PDE4D: variants seen among roughly 807,000 people sequenced by gnomAD.
The protein encoded by PDE4D is phosphodiesterase 4D.
Under a neutral mutation model 87.4 loss-of-function variants are expected in PDE4D, and 24 were observed. The observed-to-expected ratio is 0.27, with a 90% CI of 0.20 to 0.39. PDE4D has a LOEUF of 0.39. Ranked by LOEUF, PDE4D falls within the 10% of genes least tolerant of loss-of-function variation. PDE4D has a pLI of 1.00. For synonymous variants in PDE4D, 384 were observed against 383.2 expected (o/e 1.00, Z -0.02); for missense variants, 714 against 1,041.0 (o/e 0.69, Z 4.32).
At chr5:59,522,741 C>A (rs1812463281) in intron 1 of PDE4D, among the ~76,000 whole-genome samples, 1 of 152,210 alleles carries the variant, frequency 6.6e-6, no homozygotes, top group Non-Finnish European at 1.5e-5. Context: ...CTGCCATTTT[C>A]AGAGCATTAC....
At chr5:59,187,597 A>T (rs1029625947) in intron 3 of PDE4D, among the ~76,000 whole-genome samples, 6 of 152,216 alleles carry the variant, frequency 3.9e-5, no homozygotes, top group Admixed American at 3.9e-4. Flanking sequence ...AAAGTGAAAA[A>T]AGGAATCTGT....
intron 1 of PDE4D, among the ~76,000 whole-genome samples, chr5:59,771,429 AAG>A (rs1763430492): frequency 9.2e-6 from 1 of 108,934 alleles, no homozygotes; most frequent in Non-Finnish European, 1.9e-5. Context: ...AAGAAAGAAA[AAG>A]AAAAAGAAAG....
chr5:59,373,200 A>G (rs1326326019), intron 1 of PDE4D, among the ~76,000 whole-genome samples: 1 of 152,200 alleles, frequency 6.6e-6, no homozygotes, highest in Non-Finnish European at 1.5e-5. Context: ...TGACAGAAAT[A>G]GAATTCAAAA....
intron 1 of PDE4D, among the ~76,000 whole-genome samples, chr5:60,344,497 C>T (rs1758575722): frequency 6.6e-6 from 1 of 151,938 alleles, no homozygotes; most frequent in Non-Finnish European, 1.5e-5. Flanking sequence ...ATAACAGTGA[C>T]CAAAATGAAG....
At chr5:59,088,705 A>C (rs1236701642) in intron 5 of PDE4D, among the ~76,000 whole-genome samples, 1 of 152,198 alleles carries the variant, frequency 6.6e-6, no homozygotes, top group African/African-American at 2.4e-5. Flanking sequence ...CAGGAACTGC[A>C]TGTTCTCACT....
chr5:59,379,067 T>C (rs1489876785), intron 1 of PDE4D, among the ~76,000 whole-genome samples: 2 of 152,054 alleles, frequency 1.3e-5, no homozygotes, highest in Non-Finnish European at 2.9e-5. Context: ...ATATCAGCAC[T>C]GCAGGCCTCT....
intron 1 of PDE4D, among the ~76,000 whole-genome samples, chr5:59,821,523 T>C (rs948846622): frequency 6.6e-6 from 1 of 152,250 alleles, no homozygotes; most frequent in Non-Finnish European, 1.5e-5. Context: ...TGTTACTTAA[T>C]AGTTTTTGGA....
intron 1 of PDE4D, among the ~76,000 whole-genome samples, chr5:60,416,033 A>C (rs1172166108): frequency 6.6e-6 from 1 of 152,114 alleles, no homozygotes; most frequent in Non-Finnish European, 1.5e-5. Flanking sequence ...AGCACTCTGT[A>C]TCTAGCCCAA....
chr5:60,257,440 G>C (rs893002917), intron 1 of PDE4D, among the ~76,000 whole-genome samples: 1 of 151,846 alleles, frequency 6.6e-6, no homozygotes, highest in African/African-American at 2.4e-5. Flanking sequence ...AGTATTTCAT[G>C]CAAGACAAAA....
chr5:59,787,132 T>C (rs1342987932), intron 1 of PDE4D, among the ~76,000 whole-genome samples: 1 of 152,222 alleles, frequency 6.6e-6, no homozygotes, highest in African/African-American at 2.4e-5. Flanking sequence ...AAAGTCTTTC[T>C]AAAACGTGTC....
intron 5 of PDE4D, among the ~76,000 whole-genome samples, chr5:59,061,545 C>CT (rs1346285440): frequency 6.6e-6 from 1 of 152,082 alleles, no homozygotes; most frequent in Non-Finnish European, 1.5e-5. Flanking sequence ...GTGGATGACT[C>CT]TGCAGGACTG....
At position 59,350,547 on chromosome 5, in the gene PDE4D, C is replaced by T. The variant is rs146580969; in HGVS notation, c.456-134579G>A. The stretch of plus-strand genomic sequence containing the variant: ...GAGTATCCTCACACTTGCCATGAAT[C>T]GGAACACATTTGCTAATAGGTTCAT... On this transcript the variant is annotated intron_variant, in intron 1 of 14. Coordinates refer to ENST00000340635, the MANE Select transcript of PDE4D (RefSeq NM_001104631.2). 5.5e-4 allele frequency among the ~76,000 whole-genome samples: 84 copies of T among 152,232 alleles called. 1 individual carries two copies. The highest frequency in any genetic ancestry group is 1.9e-3 in the African/African-American group (80 of 41,534).
chr5:59,490,096 T>A (rs144160652), intron 1 of PDE4D, among the ~76,000 whole-genome samples: 32 of 152,292 alleles, frequency 2.1e-4, no homozygotes, highest in Middle Eastern at 3.4e-3. Context: ...GACTCTCTCA[T>A]ATGGCTACAA....
chr5:59,259,152 T>C (rs1561830297), intron 1 of PDE4D, among the ~76,000 whole-genome samples: 1 of 150,928 alleles, frequency 6.6e-6, no homozygotes, highest in African/African-American at 2.4e-5. Context: ...TTAATAGGAG[T>C]TTTTCCCTTC....
At chr5:59,052,888 G>T (rs1242330499) in intron 5 of PDE4D, among the ~76,000 whole-genome samples, 1 of 152,050 alleles carries the variant, frequency 6.6e-6, no homozygotes, top group African/African-American at 2.4e-5. Context: ...TTAAAAACTT[G>T]TAATTATCAT....
intron 1 of PDE4D, among the ~76,000 whole-genome samples, chr5:60,462,377 T>G (rs1482778332): frequency 2.0e-5 from 3 of 152,032 alleles, no homozygotes; most frequent in African/African-American, 7.2e-5. Context: ...CCCACACACA[T>G]TCTTACAAGG....
chr5:59,872,836 C>A (rs256349), intron 1 of PDE4D, among the ~76,000 whole-genome samples: 1 of 151,982 alleles, frequency 6.6e-6, no homozygotes, highest in African/African-American at 2.4e-5. Context: ...GGAAAAAAAA[C>A]TCCTACTGAC....
In PDE4D at chr5:59,885,147, T is replaced by C. The variant is rs189982226; in HGVS notation, c.455+8021A>G. On this transcript the variant is annotated intron_variant, in intron 1 of 14. Transcript: ENST00000340635. Reference sequence around the variant, plus strand: ...AAACCCTAAATTTTCAATATATGCATGGGCCTTATTCTTGACCATTTATCC... The same window carrying C: ...AAACCCTAAATTTTCAATATATGCACGGGCCTTATTCTTGACCATTTATCC... 3.9e-5 allele frequency among the ~76,000 whole-genome samples: 6 copies of C among 152,190 alleles called. No individual in the cohort carries two copies. The East Asian group carries it at 1.2e-3, about 29-fold the overall frequency.
intron 1 of PDE4D, among the ~76,000 whole-genome samples, chr5:59,601,164 C>T (rs368769450): frequency 2.6e-5 from 4 of 152,134 alleles, no homozygotes; most frequent in African/African-American, 9.7e-5. Flanking sequence ...TGCAGACTAA[C>T]ACATTCGTAA....
Sources: allele counts gnomAD v4.1 joint callset (sites outside exome capture counted in the v4.1 genomes callset), GRCh38; gene constraint gnomAD v4.1.1; transcripts MANE v1.5; gene names NCBI Gene and HGNC (gene_info 2026-07-23, HGNC 2026-07-21).